Variants in NRP2 observed in about 807,000 individuals in gnomAD.
The protein encoded by NRP2 is neuropilin-2.
In NRP2, 52 loss-of-function variants were observed where a neutral mutation model predicts 110.4. The ratio of observed to expected loss-of-function variants is 0.47; its 90% CI spans 0.38 to 0.59. The LOEUF (loss-of-function observed/expected upper bound fraction) is 0.59, where lower values mean the gene tolerates loss of function less well. Among genes scored for constraint, NRP2 ranks in the 20% least tolerant of loss-of-function variants. The pLI is 0.00. For synonymous variants in NRP2, 508 were observed against 468.9 expected, an observed-to-expected ratio of 1.08 and a Z score of -1.08; for missense variants, 1,049 against 1,203.0, an observed-to-expected ratio of 0.87 and a Z score of 1.89.
chr2:205,748,676 G>A (rs183915787), intron 10 of NRP2, among the ~76,000 whole-genome samples: 33 of 152,342 alleles, frequency 2.2e-4, no homozygotes, highest in Admixed American at 1.4e-3. Flanking sequence ...ATCACATACA[G>A]TAGTGCAAAG....
chr2:205,763,568 G>C lies in NRP2; in HGVS notation c.2045-106G>C. The C allele has an allele frequency of 6.9e-7, 1 of 1,449,820 alleles. No individual in the cohort carries two copies. Among genetic ancestry groups the C allele is most frequent in the Non-Finnish European group, 9.7e-7 (1 of 1,032,742 alleles). The allele number at this position is 1,449,820 out of a possible 1,614,324, so 89.8% of individuals were successfully genotyped here. On this transcript the variant is annotated intron_variant, in intron 12 of 16. Transcript: ENST00000357785. This position sits in a 1 kb window ranked among gnomAD's most constrained non-coding sequence, Gnocchi z 4.0. ...AGAACAAGGACATGAATAAACCAAA[G>C]ACACCGAAACTCAGTCCCAACTTTC...
chr2:205,745,065 A>G (rs1056478105), intron 9 of NRP2, among the ~76,000 whole-genome samples: 10 of 152,264 alleles, frequency 6.6e-5, no homozygotes, highest in African/African-American at 2.4e-4. Context: ...CTTCCCCCGG[A>G]TGAGTGTCTC....
chr2:205,761,196 A>G (rs1161272330), intron 12 of NRP2, among the ~76,000 whole-genome samples: 1 of 152,238 alleles, frequency 6.6e-6, no homozygotes, highest in Non-Finnish European at 1.5e-5. Flanking sequence ...TTTCCAATGT[A>G]TAGCCTCATA....
intron 2 of NRP2, among the ~76,000 whole-genome samples, chr2:205,706,068 C>G (rs2056668625): frequency 6.6e-6 from 1 of 151,910 alleles, no homozygotes; most frequent in Non-Finnish European, 1.5e-5. Flanking sequence ...CTCCCCCAAT[C>G]CCCCCACAGC....
At chr2:205,717,457 C>T (rs910511478) in intron 3 of NRP2, among the ~76,000 whole-genome samples, 2 of 152,216 alleles carry the variant, frequency 1.3e-5, no homozygotes, top group East Asian at 3.8e-4. Flanking sequence ...GTGGTAGCTG[C>T]TGAAAGCACT....
chr2:205,756,041 T>C (rs976788841), intron 12 of NRP2, among the ~76,000 whole-genome samples: 1 of 152,194 alleles, frequency 6.6e-6, no homozygotes, highest in Non-Finnish European at 1.5e-5. Flanking sequence ...TCCTTTTAAG[T>C]AAGCAATTAG....
At chr2:205,769,236 A>T (rs558964610) in intron 15 of NRP2, among the ~76,000 whole-genome samples, 24 of 152,132 alleles carry the variant, frequency 1.6e-4, no homozygotes, top group Middle Eastern at 3.2e-3. Flanking sequence ...ATTGTTATAC[A>T]TTTTTCAAAT....
chr2:205,720,736 G>A (rs1236104284), intron 3 of NRP2, among the ~76,000 whole-genome samples: 3 of 152,150 alleles, frequency 2.0e-5, no homozygotes, highest in Admixed American at 6.5e-5. Flanking sequence ...GCCTCATCCC[G>A]GGCCATTGAG....
chr2:205,696,833 G>C (rs1239405036), intron 1 of NRP2, among the ~76,000 whole-genome samples: 1 of 152,214 alleles, frequency 6.6e-6, no homozygotes, highest in African/African-American at 2.4e-5. Context: ...TCCAAGGCTA[G>C]AGCCAGTAGA....
chr2:205,726,130 G>C (rs2057124088), intron 6 of NRP2, 48 bp downstream of exon 6: 2 of 1,590,400 alleles, frequency 1.3e-6, no homozygotes, highest in Non-Finnish European at 1.7e-6. Context: ...TGTATTGCTG[G>C]GGTAGGAGGG....
At chr2:205,784,998 T>G (rs1337608176) in intron 15 of NRP2, among the ~76,000 whole-genome samples, 2 of 152,148 alleles carry the variant, frequency 1.3e-5, no homozygotes, top group Non-Finnish European at 2.9e-5. Context: ...CAGAGAGAGG[T>G]ACATTTTTGG....
At chr2:205,789,318 T>A (rs537346402) in intron 15 of NRP2, among the ~76,000 whole-genome samples, 11 of 152,172 alleles carry the variant, frequency 7.2e-5, no homozygotes, top group Admixed American at 7.2e-4. Flanking sequence ...GGAAACAGGG[T>A]CATGGGAGCA....
intron 2 of NRP2, among the ~76,000 whole-genome samples, chr2:205,711,841 C>T (rs2056804831): frequency 6.6e-6 from 1 of 152,172 alleles, no homozygotes; most frequent in African/African-American, 2.4e-5. Flanking sequence ...AGAGAAGGAC[C>T]TAAGCTTGGT....
At chr2:205,775,389 A>T (rs1353216687) in intron 15 of NRP2, among the ~76,000 whole-genome samples, 4 of 151,846 alleles carry the variant, frequency 2.6e-5, no homozygotes, top group Non-Finnish European at 5.9e-5. Context: ...CCTTCTAAAT[A>T]CTCTGCCAGC....
chr2:205,791,983 G>C (rs1054933456), intron 15 of NRP2, among the ~76,000 whole-genome samples: 1 of 152,210 alleles, frequency 6.6e-6, no homozygotes, highest in African/African-American at 2.4e-5. Context: ...AGGCACAGTG[G>C]CAGGGGTTGC....
chr2:205,765,753 G>T (rs1389011285), intron 14 of NRP2, 183 bp downstream of exon 14: 2 of 739,232 alleles, frequency 2.7e-6, no homozygotes, highest in Admixed American at 1.7e-5. Context: ...GTGGGAAGGG[G>T]TGTGAGGTAA....
chr2:205,683,628 A>C (rs1285088141), intron 1 of NRP2, among the ~76,000 whole-genome samples: 1 of 152,114 alleles, frequency 6.6e-6, no homozygotes, highest in African/African-American at 2.4e-5. Context: ...CATATGTCAC[A>C]TATGGACTGA....
chr2:205,739,572 G>A (rs1306199556), intron 7 of NRP2, among the ~76,000 whole-genome samples: 1 of 151,754 alleles, frequency 6.6e-6, no homozygotes, highest in Non-Finnish European at 1.5e-5. Context: ...TCCCTTGGTT[G>A]TTACAGCTAT....
chr2:205,761,421 T>G (rs1178731557), intron 12 of NRP2: 2 of 152,130 alleles, frequency 1.3e-5, no homozygotes, highest in African/African-American at 4.8e-5. Context: ...AGGCAGTGAG[T>G]GATTACCTGC....
Sources: gnomAD v4.1 joint callset for allele counts (sites outside exome capture counted in the v4.1 genomes callset) on GRCh38, gnomAD v4.1.1 for gene constraint, Gnocchi (gnomAD v3.1) non-coding constraint, MANE v1.5 for transcripts, NCBI Gene and HGNC (gene_info 2026-07-23, HGNC 2026-07-21) for gene names.